The following CUBN variants were observed in gnomAD, a reference collection of about 807,000 sequenced individuals.
CUBN encodes cubilin.
CUBN carries 282 observed loss-of-function variants against 405.3 expected under a neutral mutation model. The ratio of observed to expected loss-of-function variants is 0.70; its 90% confidence interval spans 0.63 to 0.77. The LOEUF (loss-of-function observed/expected upper bound fraction) is 0.77. CUBN is among the 30% of genes least tolerant of loss of function. The probability of loss-of-function intolerance (pLI) is 0.00; values close to 1 mark genes in which losing one functional copy is unlikely to be tolerated. For synonymous variants in CUBN, 1,684 were observed against 1,617.0 expected (o/e 1.04, Z -0.99); for missense variants, 4,514 against 4,475.2 (o/e 1.01, Z -0.25).
intron 11 of CUBN, 35 bp downstream of exon 11, chr10:17,105,422 G>T: frequency 8.6e-7 from 1 of 1,160,146 alleles, no homozygotes; most frequent in Non-Finnish European, 1.3e-6. Context: ...TAATTCTCAG[G>T]TACTCTCTGT....
intron 13 of CUBN, among the ~76,000 whole-genome samples, chr10:17,101,287 T>A (rs1389515790): frequency 6.6e-6 from 1 of 152,144 alleles, no homozygotes; most frequent in Non-Finnish European, 1.5e-5. Flanking sequence ...AAAAACAAGA[T>A]GAATTTTCTT....
chr10:16,926,693 T>C (rs1242536061), intron 41 of CUBN, among the ~76,000 whole-genome samples: 1 of 152,094 alleles, frequency 6.6e-6, no homozygotes, highest in African/African-American at 2.4e-5. Context: ...TTGACTTAAA[T>C]AATGAGAAAA....
intron 31 of CUBN, among the ~76,000 whole-genome samples, chr10:16,966,518 G>A (rs1474966152): frequency 1.3e-5 from 2 of 151,642 alleles, no homozygotes; most frequent in African/African-American, 2.4e-5. Context: ...GTGCAATCTC[G>A]GCTCACTGTA....
chr10:16,987,189 G>A (rs896207895), intron 29 of CUBN, among the ~76,000 whole-genome samples: 3 of 152,158 alleles, frequency 2.0e-5, no homozygotes, highest in African/African-American at 7.2e-5. Flanking sequence ...GTAAAATCAG[G>A]CAGAGTGTTT....
chr10:16,928,446 A>AC, intron 40 of CUBN, 143 bp from the exon 41 acceptor site: 2 of 867,990 alleles, frequency 2.3e-6, no homozygotes, highest in Non-Finnish European at 3.7e-6. Context: ...AAAAAGAAGG[A>AC]CCCCTCAGGG....
chr10:17,013,911 G>T (rs1216764781), intron 28 of CUBN, among the ~76,000 whole-genome samples: 1 of 152,178 alleles, frequency 6.6e-6, no homozygotes, highest in African/African-American at 2.4e-5. Context: ...ACTTGTAAAA[G>T]ATCATCTCAG....
At chr10:17,102,595 CTTTTTTTTTTTTTT>C (rs11357524) in intron 13 of CUBN, among the ~76,000 whole-genome samples, 1 of 63,118 alleles carries the variant, frequency 1.6e-5, no homozygotes, top group African/African-American at 5.9e-5. Context: ...CCTTGTTACT[CTTTTTTTTTTTTTT>C]TTTTTTTTTT....
intron 9 of CUBN, among the ~76,000 whole-genome samples, chr10:17,110,255 G>C (rs1464021773): frequency 6.6e-6 from 1 of 152,164 alleles, no homozygotes; most frequent in Admixed American, 6.5e-5. Context: ...CTGTGGTTTA[G>C]TAAACTTGGT....
chr10:17,119,738 T>G (rs1271492092), intron 6 of CUBN, among the ~76,000 whole-genome samples: 1 of 152,142 alleles, frequency 6.6e-6, no homozygotes, highest in Admixed American at 6.5e-5. Flanking sequence ...AGTAACAGCA[T>G]GGAGAAGTGG....
At chr10:16,962,326 A>T (rs1843249977) in intron 31 of CUBN, among the ~76,000 whole-genome samples, 1 of 152,108 alleles carries the variant, frequency 6.6e-6, no homozygotes, top group Non-Finnish European at 1.5e-5. Context: ...GAAGTAGGGA[A>T]TTAGAAAGCT....
intron 37 of CUBN, among the ~76,000 whole-genome samples, 195 bp from the exon 38 acceptor site, chr10:16,939,342 G>A (rs998217985): frequency 4.6e-5 from 7 of 152,132 alleles, no homozygotes; most frequent in Admixed American, 6.5e-5. Flanking sequence ...TCCTTAAAAC[G>A]TTGCATGGTG....
chr10:17,079,849 T>C (rs1835930973), intron 17 of CUBN, among the ~76,000 whole-genome samples: 1 of 152,086 alleles, frequency 6.6e-6, no homozygotes, highest in Admixed American at 6.5e-5. Context: ...TCTCAATGCC[T>C]AAGAAGTCAC....
chr10:17,052,723 G>A (rs1835297700), intron 22 of CUBN, among the ~76,000 whole-genome samples: 1 of 126,656 alleles, frequency 7.9e-6, no homozygotes, highest in African/African-American at 3.1e-5. Flanking sequence ...GCTTGCCACT[G>A]CACTCCAGCC....
rs1214611610 is a variant in CUBN, at chr10:17,114,149, G to A, written c.761C>T (p.Ser254Leu). Residue 254 changes from serine to leucine, a missense_variant, in exon 8 of 67, where the codon TCA becomes TTA. Coordinates refer to ENST00000377833, the MANE Select transcript of CUBN (RefSeq NM_001081.4). The stretch of plus-strand genomic sequence containing the variant: ...CAGCGTGCAGGCAGGGCTGTTGGGT[G>A]AAAACATCCACCCAGCATCACAGAC... Reference protein sequence around the residue: ...SCVCDAGWMFSPNSPACTLDR... With the variant: ...SCVCDAGWMFLPNSPACTLDR... 6.2e-7 allele frequency: 1 copy of A among 1,613,660 alleles called. No individual in the cohort carries two copies. Among genetic ancestry groups the A allele is most frequent in the African/African-American group, 1.3e-5 (1 of 74,922 alleles).
At chr10:16,932,813 T>A (rs1316352482) in intron 40 of CUBN, among the ~76,000 whole-genome samples, 3 of 152,198 alleles carry the variant, frequency 2.0e-5, no homozygotes, top group African/African-American at 7.2e-5. Flanking sequence ...GTGAACAATG[T>A]TGACATTCAG....
At chr10:16,903,727 C>A in intron 51 of CUBN, among the ~76,000 whole-genome samples, 1 of 146,982 alleles carries the variant, frequency 6.8e-6, no homozygotes. Flanking sequence ...TAAAATTATG[C>A]AGTTTATTAT....
intron 34 of CUBN, 101 bp from the exon 35 acceptor site, chr10:16,948,707 A>G (rs897501136): frequency 9.5e-6 from 14 of 1,469,292 alleles, no homozygotes; most frequent in Middle Eastern, 2.1e-4. Flanking sequence ...AGACCAAAAC[A>G]AAGTGAAGAA....
chr10:16,999,486 T>C (rs1444767442), intron 28 of CUBN, among the ~76,000 whole-genome samples: 2 of 152,258 alleles, frequency 1.3e-5, no homozygotes, highest in Non-Finnish European at 2.9e-5. Context: ...CTTACAATTC[T>C]TCAGGAGAAA....
Position 16,950,238 on chromosome 10 carries a change from T to A in CUBN, c.4970-127A>T, listed in dbSNP as rs181272552. ...AAATAGAAGGAATGAGTAAGACCTGTTTGATAGCACAACAGGGTAATTGTA... is the reference window on the plus strand; with the variant it reads ...AAATAGAAGGAATGAGTAAGACCTGATTGATAGCACAACAGGGTAATTGTA... On this transcript the variant is annotated intron_variant, in intron 33 of 66. Transcript: ENST00000377833. The A allele has an allele frequency of 1.9e-3, 1,294 of 687,226 alleles. 9 individuals are homozygous for A. In the African/African-American group the frequency reaches 0.021, roughly 11 times the overall value. 42.6% of individuals were successfully genotyped at this position (687,226 alleles called of 1,614,324 possible).
Sources: allele counts gnomAD v4.1 joint callset (sites outside exome capture counted in the v4.1 genomes callset), GRCh38; gene constraint gnomAD v4.1.1; transcripts MANE v1.5; gene names NCBI Gene and HGNC (gene_info 2026-07-23, HGNC 2026-07-21).